Variants in CCSER1 observed in about 807,000 individuals in gnomAD.
CCSER1 encodes the protein coiled-coil serine rich protein 1.
Under a neutral mutation model 82.0 loss-of-function variants are expected in CCSER1, and 41 were observed. The ratio of observed to expected loss-of-function variants is 0.50; its 90% CI spans 0.39 to 0.65. The LOEUF is 0.65. CCSER1 is among the 30% of genes least tolerant of loss of function. The pLI is 0.00. For synonymous variants in CCSER1, 414 were observed against 383.9 expected (o/e 1.08, Z -0.92); for missense variants, 1,119 against 1,064.2 (o/e 1.05, Z -0.72).
intron 9 of CCSER1, among the ~76,000 whole-genome samples, chr4:90,930,396 T>G (rs1160575011): frequency 1.3e-5 from 2 of 151,780 alleles, no homozygotes; most frequent in African/African-American, 4.8e-5. Flanking sequence ...GGTCAGGAGA[T>G]CGAGGCCATC....
chr4:91,278,202 A>G (rs756025219), intron 10 of CCSER1, among the ~76,000 whole-genome samples: 1 of 152,080 alleles, frequency 6.6e-6, no homozygotes, highest in Non-Finnish European at 1.5e-5. Flanking sequence ...TTGGTCTAAA[A>G]TGCAGTTTAA....
chr4:90,979,736 A>G (rs1282144737), intron 9 of CCSER1, among the ~76,000 whole-genome samples: 1 of 151,716 alleles, frequency 6.6e-6, no homozygotes. Context: ...TGGAGCCTCT[A>G]TTTGTCTGGT....
At chr4:91,143,204 T>C (rs1018330152) in intron 10 of CCSER1, among the ~76,000 whole-genome samples, 24 of 152,218 alleles carry the variant, frequency 1.6e-4, no homozygotes, top group African/African-American at 5.5e-4. Flanking sequence ...ACCTCCTTGG[T>C]TAGATGTGTT....
chr4:91,520,964 G>A (rs1030755679), intron 10 of CCSER1, among the ~76,000 whole-genome samples: 6 of 151,960 alleles, frequency 3.9e-5, no homozygotes, highest in African/African-American at 7.3e-5. Context: ...GTATACATGT[G>A]TCATGTTGGT....
chr4:91,151,237 A>T lies in CCSER1; in HGVS notation c.2217+65243A>T, dbSNP rs570342678. On this transcript the variant is annotated intron_variant, in intron 10 of 10. Transcript: ENST00000509176. ...CGAGGAATTTATCCATTTCTTCTAG[A>T]TTTTCTAGTTTATTTGCATAGAGGT... 2.6e-5 allele frequency among the ~76,000 whole-genome samples: 4 copies of T among 151,272 alleles called. No individual in the cohort carries two copies. The South Asian group carries it at 8.4e-4, about 32-fold the overall frequency.
At chr4:91,038,637 T>G (rs1741660123) in intron 9 of CCSER1, among the ~76,000 whole-genome samples, 1 of 152,202 alleles carries the variant, frequency 6.6e-6, no homozygotes, top group African/African-American at 2.4e-5. Context: ...AGTATTTCTT[T>G]TAATCTTGGA....
intron 10 of CCSER1, among the ~76,000 whole-genome samples, chr4:91,343,974 A>G (rs985850959): frequency 6.6e-6 from 1 of 152,162 alleles, no homozygotes; most frequent in South Asian, 2.1e-4. Context: ...TTTGAAGGTG[A>G]TATGTGGAAG....
intron 10 of CCSER1, among the ~76,000 whole-genome samples, chr4:91,149,784 G>A (rs527275929): frequency 3.9e-4 from 59 of 152,268 alleles, no homozygotes; most frequent in Non-Finnish European, 1.3e-4. Context: ...AGATCAGGTG[G>A]TAGTAGATGT....
At chr4:90,186,176 C>G (rs1255543892) in intron 1 of CCSER1, among the ~76,000 whole-genome samples, 1 of 151,804 alleles carries the variant, frequency 6.6e-6, no homozygotes, top group Non-Finnish European at 1.5e-5. Flanking sequence ...TATGAGGCAG[C>G]CAAAGAGTTA....
intron 10 of CCSER1, among the ~76,000 whole-genome samples, chr4:91,288,958 C>T (rs139450625): frequency 3.0e-4 from 45 of 151,946 alleles, no homozygotes; most frequent in South Asian, 6.2e-4. Flanking sequence ...AGACTAATAA[C>T]GATTGAGTCA....
chr4:90,805,419 G>C (rs1294789798), intron 7 of CCSER1, among the ~76,000 whole-genome samples: 1 of 152,180 alleles, frequency 6.6e-6, no homozygotes, highest in Admixed American at 6.5e-5. Context: ...TCTCAGCATG[G>C]CTACTGGGTT....
In CCSER1 at chr4:90,951,392, G is replaced by A. The variant is rs1375232870; in HGVS notation, c.2172+27945G>A. The A allele has an allele frequency of 2.6e-5, 4 of 152,044 alleles. No individual in the cohort carries two copies. In the East Asian group the frequency reaches 7.7e-4, roughly 29 times the overall value. 9.4% of individuals were successfully genotyped at this position (152,044 alleles called of 1,614,324 possible). ...GTATAAAAAGGAAGGAAAATGTTGTGAAGGGCATCACTCCCTTTTTCAATA... is the reference window on the plus strand; with the variant it reads ...GTATAAAAAGGAAGGAAAATGTTGTAAAGGGCATCACTCCCTTTTTCAATA... On this transcript the variant is annotated intron_variant, in intron 9 of 10. Coordinates refer to ENST00000509176, the MANE Select transcript of CCSER1 (RefSeq NM_001145065.2).
intron 4 of CCSER1, among the ~76,000 whole-genome samples, chr4:90,440,924 A>G (rs999478770): frequency 3.3e-5 from 5 of 152,178 alleles, no homozygotes; most frequent in African/African-American, 1.2e-4. Context: ...TTTAACTTTA[A>G]GAGCCAATTT....
intron 6 of CCSER1, among the ~76,000 whole-genome samples, chr4:90,712,462 T>A (rs180987575): frequency 6.6e-6 from 1 of 152,194 alleles, no homozygotes; most frequent in East Asian, 1.9e-4. Flanking sequence ...TTTGAGTGAA[T>A]TTCTTAGTTT....
At chr4:90,363,494 C>T (rs548100757) in intron 3 of CCSER1, among the ~76,000 whole-genome samples, 1 of 152,102 alleles carries the variant, frequency 6.6e-6, no homozygotes, top group Non-Finnish European at 1.5e-5. Context: ...TTTATATTTC[C>T]TGACTTTAAG....
chr4:90,909,796 T>TAATAATAATCA (rs1726053679), intron 8 of CCSER1, among the ~76,000 whole-genome samples: 1 of 152,220 alleles, frequency 6.6e-6, no homozygotes. Flanking sequence ...TATATTTGTA[T>TAATAATAATCA]AATCCATTAT....
chr4:90,781,671 C>T (rs11730314), intron 7 of CCSER1: 549,900 of 962,958 alleles, frequency 0.57, 158,089 homozygotes, highest in African/African-American at 0.67. Context: ...TTAAGCAATC[C>T]TGGCTTTAGA....
chr4:91,061,121 A>G (rs922252545), intron 9 of CCSER1, among the ~76,000 whole-genome samples: 1 of 152,044 alleles, frequency 6.6e-6, no homozygotes, highest in South Asian at 2.1e-4. Flanking sequence ...TTTAAAATGT[A>G]TTGCACTTTA....
chr4:91,080,631 G>A (rs1196473794), intron 9 of CCSER1, among the ~76,000 whole-genome samples: 2 of 152,004 alleles, frequency 1.3e-5, no homozygotes, highest in Admixed American at 6.6e-5. Flanking sequence ...TCCTGGAGCT[G>A]GTTTTCTGAA....
Sources: allele counts gnomAD v4.1 joint callset (sites outside exome capture counted in the v4.1 genomes callset), GRCh38; gene constraint gnomAD v4.1.1; transcripts MANE v1.5; gene names NCBI Gene and HGNC (gene_info 2026-07-23, HGNC 2026-07-21).